Variants in RBFOX1 observed in about 807,000 individuals in gnomAD.
RBFOX1 encodes RNA binding fox-1 homolog 1, also known as RNA binding protein fox-1 homolog 1.
A neutral mutation model predicts 57.7 loss-of-function variants in RBFOX1; 8 were observed. The observed-to-expected ratio is 0.14, with a 90% CI of 0.08 to 0.25. RBFOX1 has a LOEUF of 0.25. RBFOX1 is among the 10% of genes least tolerant of loss of function. The pLI, the probability that RBFOX1 is intolerant of heterozygous loss-of-function variation, is 1.00. For missense variants in RBFOX1, 611 were observed against 548.5 expected (o/e 1.11, Z -1.14); for synonymous variants, 326 against 222.4 (o/e 1.47, Z -4.15).
intron 4 of RBFOX1, among the ~76,000 whole-genome samples, chr16:7,301,461 G>C (rs758428735): frequency 8.5e-5 from 13 of 152,168 alleles, no homozygotes; most frequent in African/African-American, 1.2e-4. Context: ...AAGTTTAAGG[G>C]AATGTCAGAG....
intron 2 of RBFOX1, among the ~76,000 whole-genome samples, chr16:5,478,063 A>G (rs965619024): frequency 2.0e-5 from 3 of 152,128 alleles, no homozygotes; most frequent in African/African-American, 7.2e-5. Context: ...ATGGAGCTGA[A>G]ATTCTGTGTT....
intron 4 of RBFOX1, among the ~76,000 whole-genome samples, chr16:7,317,289 T>G (rs113631281): frequency 2.6e-5 from 4 of 152,240 alleles, no homozygotes; most frequent in African/African-American, 9.6e-5. Context: ...GAAGTCAGAC[T>G]TCGGCAGGCT....
At chr16:5,929,571 A>C (rs1429618091) in intron 4 of RBFOX1, among the ~76,000 whole-genome samples, 2 of 152,216 alleles carry the variant, frequency 1.3e-5, no homozygotes, top group African/African-American at 4.8e-5. Flanking sequence ...TCCATGTTCC[A>C]TATGTGTAGT....
chr16:7,002,279 T>C lies in RBFOX1; in HGVS notation c.-15-49778T>C, dbSNP rs536462739. Reference sequence around the variant, plus strand: ...AGTTAATCTATCTACTTTGGAACTTTGCAAGCATGTGAGCCAGTGCATTTT... The same window carrying C: ...AGTTAATCTATCTACTTTGGAACTTCGCAAGCATGTGAGCCAGTGCATTTT... On this transcript the variant is annotated intron_variant, in intron 3 of 15. Transcript: ENST00000550418. 7.2e-5 allele frequency among the ~76,000 whole-genome samples: 11 copies of C among 152,350 alleles called. No homozygotes were observed. In the East Asian group the frequency reaches 2.1e-3, roughly 29 times the overall value.
intron 7 of RBFOX1, among the ~76,000 whole-genome samples, chr16:7,593,190 A>G (rs943309278): frequency 6.6e-6 from 1 of 152,154 alleles, no homozygotes; most frequent in Non-Finnish European, 1.5e-5. Flanking sequence ...TGGGCCACAC[A>G]TTTTAAGCAA....
intron 2 of RBFOX1, among the ~76,000 whole-genome samples, chr16:6,531,354 G>C (rs1302235134): frequency 1.3e-5 from 2 of 152,084 alleles, no homozygotes; most frequent in Non-Finnish European, 2.9e-5. Flanking sequence ...TGGCTTTGTG[G>C]GTGAGCTGAG....
At chr16:6,986,203 T>TATTTATTC (rs1454799875) in intron 3 of RBFOX1, among the ~76,000 whole-genome samples, 9 of 151,358 alleles carry the variant, frequency 5.9e-5, no homozygotes, top group Admixed American at 6.6e-5. Flanking sequence ...TTTATTTATT[T>TATTTATTC]ATTTATTTAT....
intron 3 of RBFOX1, among the ~76,000 whole-genome samples, chr16:6,693,234 T>TACCATCACC (rs2154134711): frequency 6.8e-6 from 1 of 147,936 alleles, no homozygotes; most frequent in Admixed American, 6.7e-5. Flanking sequence ...CCTCCTCCAC[T>TACCATCACC]ACCATCACCA....
intron 1 of RBFOX1, among the ~76,000 whole-genome samples, chr16:5,349,997 T>A (rs1485179499): frequency 6.6e-6 from 1 of 152,242 alleles, no homozygotes; most frequent in East Asian, 1.9e-4. Context: ...GATCTGCTGA[T>A]GTACACTTCA....
intron 3 of RBFOX1, among the ~76,000 whole-genome samples, chr16:7,034,841 C>CTTTTTCTTTTTT (rs1424741274): frequency 2.6e-5 from 1 of 39,166 alleles, no homozygotes; most frequent in Non-Finnish European, 4.4e-5. Context: ...TTTTTTTTTT[C>CTTTTTCTTTTTT]TTTTTTCTTT....
At chr16:6,601,871 A>AG (rs2097857492) in intron 2 of RBFOX1, among the ~76,000 whole-genome samples, 1 of 152,198 alleles carries the variant, frequency 6.6e-6, no homozygotes, top group Non-Finnish European at 1.5e-5. Context: ...AGGATGTTAA[A>AG]GAGAGGGGTT....
At chr16:5,325,485 G>T (rs2064543208) in intron 1 of RBFOX1, among the ~76,000 whole-genome samples, 4 of 151,986 alleles carry the variant, frequency 2.6e-5, no homozygotes, top group Admixed American at 2.6e-4. Context: ...TGGATGTACG[G>T]TTCTATGAAT....
intron 4 of RBFOX1, among the ~76,000 whole-genome samples, chr16:5,968,133 G>A (rs571718683): frequency 3.9e-5 from 6 of 152,074 alleles, no homozygotes; most frequent in South Asian, 2.1e-4. Context: ...GGAGTGCAGC[G>A]GTGCAATCTT....
At chr16:5,996,836 C>G (rs896251512) in intron 4 of RBFOX1, among the ~76,000 whole-genome samples, 1 of 152,176 alleles carries the variant, frequency 6.6e-6, no homozygotes, top group African/African-American at 2.4e-5. Flanking sequence ...GCCAAACCCT[C>G]CAGGAAGCCA....
chr16:6,188,756 G>C (rs1303345126), intron 1 of RBFOX1, among the ~76,000 whole-genome samples: 1 of 152,206 alleles, frequency 6.6e-6, no homozygotes. Context: ...ACCTGTATCA[G>C]TGTCATCTTT....
At chr16:6,244,753 C>G (rs895666676) in intron 1 of RBFOX1, among the ~76,000 whole-genome samples, 2 of 152,152 alleles carry the variant, frequency 1.3e-5, no homozygotes, top group East Asian at 1.9e-4. Context: ...CGTGATCCAC[C>G]TTCCTTGACC....
intron 1 of RBFOX1, among the ~76,000 whole-genome samples, chr16:5,255,627 A>T (rs1389238220): frequency 5.6e-5 from 8 of 142,972 alleles, no homozygotes; most frequent in Non-Finnish European, 1.2e-4. Context: ...CACCCACTCA[A>T]CCATCCCTTC....
chr16:7,417,881 C>T (rs1040830199), intron 4 of RBFOX1, among the ~76,000 whole-genome samples: 10 of 152,132 alleles, frequency 6.6e-5, no homozygotes, highest in African/African-American at 2.4e-4. Flanking sequence ...TCTGTCATCT[C>T]CCATCTCCCT....
At chr16:6,089,081 AT>A (rs2096132531) in intron 1 of RBFOX1, among the ~76,000 whole-genome samples, 2 of 128,992 alleles carry the variant, frequency 1.6e-5, no homozygotes, top group African/African-American at 7.2e-5. Context: ...AAAAAAAAAT[AT>A]ATATATATAT....
Sources: gnomAD v4.1 joint callset for allele counts (sites outside exome capture counted in the v4.1 genomes callset) on GRCh38, gnomAD v4.1.1 for gene constraint, MANE v1.5 for transcripts, NCBI Gene and HGNC (gene_info 2026-07-23, HGNC 2026-07-21) for gene names.